The following LRCH1 variants were observed in gnomAD, a reference collection of about 807,000 sequenced individuals.
LRCH1 encodes leucine-rich repeat and calponin homology domain-containing protein 1.
Under a neutral mutation model 94.9 loss-of-function variants are expected in LRCH1, and 23 were observed. That is an observed-to-expected ratio of 0.24 (90% CI 0.17 to 0.34). LRCH1 has a LOEUF of 0.34. Among genes scored for constraint, LRCH1 ranks in the 10% least tolerant of loss-of-function variants. The probability of loss-of-function intolerance (pLI) is 1.00; values close to 1 mark genes in which losing one functional copy is unlikely to be tolerated. For synonymous variants in LRCH1, 364 were observed against 354.9 expected (o/e 1.03, Z -0.29); for missense variants, 790 against 945.9 (o/e 0.84, Z 2.16).
At chr13:46,600,618 T>TACACACACAC (rs3068695) in intron 1 of LRCH1, among the ~76,000 whole-genome samples, 11,949 of 143,142 alleles carry the variant, frequency 0.083, 586 homozygotes, top group East Asian at 0.13. Flanking sequence ...TGACCAGATT[T>TACACACACAC]ACACACACAC....
At chr13:46,607,246 G>A (rs575973685) in intron 1 of LRCH1, among the ~76,000 whole-genome samples, 1 of 152,262 alleles carries the variant, frequency 6.6e-6, no homozygotes, top group Non-Finnish European at 1.5e-5. Flanking sequence ...ATACAGATTC[G>A]GAGAAAATGC....
In LRCH1 at chr13:46,694,969, G is replaced by A. The variant is rs1219781019; in HGVS notation, c.1197G>A (p.Gln399=). The change falls in exon 9 of 20, where the codon CAG becomes CAA. Residue 399 remains glutamine (Q), a synonymous_variant. Coordinates refer to ENST00000389797, the MANE Select transcript of LRCH1 (RefSeq NM_001164211.2). ...CCAACTCAGGAGAAGAAAGAGACCA[G>A]TTTACTGATAGAGCAGATGGTCTCC... The part of the protein sequence containing the change: ...DSTNSGEERD[Q]FTDRADGLHS... 6.2e-7 allele frequency: 1 copy of A among 1,614,016 alleles called. No individual in the cohort carries two copies. Among genetic ancestry groups the A allele is most frequent in the Non-Finnish European group, 8.5e-7 (1 of 1,179,956 alleles).
chr13:46,664,898 T>C (rs1162420925), intron 2 of LRCH1, among the ~76,000 whole-genome samples: 3 of 152,208 alleles, frequency 2.0e-5, no homozygotes, highest in African/African-American at 7.2e-5. Context: ...GGTCTTAAAA[T>C]TTCACAACAG....
intron 1 of LRCH1, among the ~76,000 whole-genome samples, chr13:46,568,943 G>T (rs2050213514): frequency 6.6e-6 from 1 of 152,132 alleles, no homozygotes; most frequent in African/African-American, 2.4e-5. Context: ...TTAGCTTTCT[G>T]CCTGGTGCCG....
At chr13:46,739,835 G>T (rs1478051337) in intron 19 of LRCH1, among the ~76,000 whole-genome samples, 1 of 152,182 alleles carries the variant, frequency 6.6e-6, no homozygotes, top group Non-Finnish European at 1.5e-5. Flanking sequence ...TCGTGAAATT[G>T]TTTCCTGGAT....
chr13:46,732,702 A>G (rs1231030212), intron 18 of LRCH1, among the ~76,000 whole-genome samples: 1 of 152,208 alleles, frequency 6.6e-6, no homozygotes, highest in Non-Finnish European at 1.5e-5. Flanking sequence ...TCTTGGCGTG[A>G]TGAAATGCCT....
chr13:46,734,020 A>G (rs763288893), intron 19 of LRCH1, 22 bp downstream of exon 19: 6 of 1,373,590 alleles, frequency 4.4e-6, no homozygotes, highest in East Asian at 2.3e-5. Flanking sequence ...CTTACTTCAT[A>G]TAACTGTGTT....
chr13:46,694,024 A>G (rs1381587643), intron 8 of LRCH1, among the ~76,000 whole-genome samples: 3 of 152,262 alleles, frequency 2.0e-5, no homozygotes, highest in African/African-American at 4.8e-5. Flanking sequence ...CATGGGAACC[A>G]TATGTTGTCT....
intron 19 of LRCH1, among the ~76,000 whole-genome samples, chr13:46,740,302 A>G (rs1389155865): frequency 6.6e-6 from 1 of 152,258 alleles, no homozygotes; most frequent in Non-Finnish European, 1.5e-5. Context: ...CAACATCTGA[A>G]TACATATAAC....
At chr13:46,679,360 G>A (rs1403074743) in intron 3 of LRCH1, among the ~76,000 whole-genome samples, 2 of 152,190 alleles carry the variant, frequency 1.3e-5, no homozygotes, top group Non-Finnish European at 2.9e-5. Flanking sequence ...TTCATTGAAA[G>A]CATTTGATTG....
chr13:46,574,822 GT>G (rs754195815), intron 1 of LRCH1, among the ~76,000 whole-genome samples: 7,720 of 69,476 alleles, frequency 0.11, 346 homozygotes, highest in African/African-American at 0.21. Context: ...TGTGTGTGGG[GT>G]TTTTTTTTTT....
At chr13:46,563,131 T>G (rs950665251) in intron 1 of LRCH1, among the ~76,000 whole-genome samples, 2 of 152,218 alleles carry the variant, frequency 1.3e-5, no homozygotes, top group Non-Finnish European at 2.9e-5. Flanking sequence ...ATATCAAATA[T>G]TGTTTGAAAT....
chr13:46,718,441 T>C (rs1872433249), intron 16 of LRCH1, among the ~76,000 whole-genome samples: 2 of 152,240 alleles, frequency 1.3e-5, no homozygotes. Context: ...CTGGGCGTTT[T>C]GTAAAACTAT....
At position 46,600,747 on chromosome 13, in the gene LRCH1, G is replaced by A. The variant is rs531584590; in HGVS notation, c.307+47044G>A. On this transcript the variant is annotated intron_variant, in intron 1 of 19. Coordinates refer to ENST00000389797, the MANE Select transcript of LRCH1 (RefSeq NM_001164211.2). ...TAATTTACATAAAATACTGTTCATT[G>A]AATTGATTTTATGACTCACATTATT... is the stretch of plus-strand genomic sequence containing the variant. Among the ~76,000 whole-genome samples the A allele has an allele frequency of 4.6e-5, 7 of 151,954 alleles. No homozygotes were observed. In the South Asian group the frequency reaches 1.5e-3, roughly 32 times the overall value.
chr13:46,646,670 A>T (rs573435223), intron 1 of LRCH1, among the ~76,000 whole-genome samples: 19 of 152,354 alleles, frequency 1.2e-4, no homozygotes, highest in African/African-American at 4.3e-4. Context: ...ATGGAATATA[A>T]TGTTTAATAT....
rs767544799 is a variant in LRCH1 at position 46,660,034 on chromosome 13, C to CTTTTTTTTTTTTTTTTT, written c.453-8981_453-8980insTTTTTTTTTTTTTTTTT. Reference sequence around the variant, plus strand: ...CACTTTCTGTATTCCTTAGGAGTCACTTTTTTTTTTTTTTTGAGACAGGCT... The same window carrying CTTTTTTTTTTTTTTTTT: ...CACTTTCTGTATTCCTTAGGAGTCACTTTTTTTTTTTTTTTTTTTTTTTTTTTTTTTTGAGACAGGCT... On this transcript the variant is annotated intron_variant, in intron 2 of 19. Coordinates refer to ENST00000389797, the MANE Select transcript of LRCH1 (RefSeq NM_001164211.2). Among the ~76,000 whole-genome samples, 14 of 103,640 alleles carry CTTTTTTTTTTTTTTTTT rather than the reference C, an allele frequency of 1.4e-4. 2 individuals carry two copies. Among genetic ancestry groups the CTTTTTTTTTTTTTTTTT allele is most frequent in the Non-Finnish European group, 1.3e-4 (7 of 53,884 alleles). The allele number at this position is 103,640 out of a possible 152,430, so 68.0% of individuals were successfully genotyped here. A position where few individuals can be genotyped will look rare whatever the true frequency, so the allele number is the denominator to read the frequency against.
rs572749332 is a variant in LRCH1 at position 46,743,386 on chromosome 13, T to C, written c.*1538T>C. On this transcript the variant is annotated 3_prime_UTR_variant, in exon 20 of 20. Transcript: ENST00000389797. ...TATCTTGAGTTATGTGAGTTTTTTT[T>C]CCTCCTGACTTTGTGTTGATTGGTG... is the stretch of plus-strand genomic sequence containing the variant. 9.4e-5 allele frequency: 93 copies of C among 985,800 alleles called. No homozygotes were observed. Among genetic ancestry groups the C allele is most frequent in the South Asian group, 5.6e-4 (12 of 21,284 alleles). The allele number at this position is 985,800 out of a possible 1,614,324, so 61.1% of individuals were successfully genotyped here. A position where few individuals can be genotyped will look rare whatever the true frequency, so the allele number is the denominator to read the frequency against.
In LRCH1 at chr13:46,727,571, C is replaced by T. The variant is rs192804840; in HGVS notation, c.1870-1276C>T. Among the ~76,000 whole-genome samples, 8 of 152,252 alleles carry T rather than the reference C, an allele frequency of 5.3e-5. No individual in the cohort carries two copies. In the East Asian group the frequency reaches 1.5e-3, roughly 29 times the overall value. Reference sequence around the variant, plus strand: ...AGGCTGGAGAGCAGTGGCGCAATCTCGGCTCACTGAAACCTCTGCCTCCTG... The same window carrying T: ...AGGCTGGAGAGCAGTGGCGCAATCTTGGCTCACTGAAACCTCTGCCTCCTG... On this transcript the variant is annotated intron_variant, in intron 17 of 19. Coordinates refer to ENST00000389797, the MANE Select transcript of LRCH1 (RefSeq NM_001164211.2).
chr13:46,710,212 G>A (rs1410604160), intron 13 of LRCH1, among the ~76,000 whole-genome samples: 1 of 152,184 alleles, frequency 6.6e-6, no homozygotes, highest in Non-Finnish European at 1.5e-5. Context: ...TCCTGAGCTT[G>A]TTTTAGGTGC....
Sources: gnomAD v4.1 joint callset for allele counts (sites outside exome capture counted in the v4.1 genomes callset) on GRCh38, gnomAD v4.1.1 for gene constraint, MANE v1.5 for transcripts, NCBI Gene and HGNC (gene_info 2026-07-23, HGNC 2026-07-21) for gene names.